Variants in GPATCH2 observed in about 807,000 individuals in gnomAD.
GPATCH2 encodes the protein G patch domain-containing protein 2.
A neutral mutation model predicts 58.0 loss-of-function variants in GPATCH2; 51 were observed. The ratio of observed to expected loss-of-function variants is 0.88; its 90% CI spans 0.70 to 1.11. The LOEUF (loss-of-function observed/expected upper bound fraction) is 1.11. Among genes scored for constraint, GPATCH2 ranks in the 50% most tolerant of loss-of-function variants. The pLI is 0.00. For synonymous variants in GPATCH2, 222 were observed against 218.5 expected (o/e 1.02, Z -0.14); for missense variants, 625 against 652.2 (o/e 0.96, Z 0.45).
At chr1:217,533,927 T>C (rs1664330313) in intron 5 of GPATCH2, among the ~76,000 whole-genome samples, 1 of 152,168 alleles carries the variant, frequency 6.6e-6, no homozygotes, top group Non-Finnish European at 1.5e-5. Context: ...ATTAAAAAGA[T>C]TCTTACAGCC....
chr1:217,595,103 G>A (rs56288625), intron 5 of GPATCH2, among the ~76,000 whole-genome samples: 33,767 of 152,146 alleles, frequency 0.22, 4,361 homozygotes, highest in East Asian at 0.49. Context: ...CAAAAGTTGA[G>A]CAAGCACAGT....
At chr1:217,514,752 A>G (rs1663038331) in intron 6 of GPATCH2, 70 bp downstream of exon 6, 1 of 701,096 alleles carries the variant, frequency 1.4e-6, no homozygotes, top group Non-Finnish European at 2.6e-6. Flanking sequence ...TACTAGTAGT[A>G]GCTAATAATT....
At chr1:217,485,266 T>G (rs13375192) in intron 8 of GPATCH2, among the ~76,000 whole-genome samples, 17,736 of 152,158 alleles carry the variant, frequency 0.12, 2,207 homozygotes, top group African/African-American at 0.32. Context: ...TAATAGATTG[T>G]ATGATGCCCA....
chr1:217,511,667 G>A (rs1446509392), intron 6 of GPATCH2, among the ~76,000 whole-genome samples: 1 of 152,130 alleles, frequency 6.6e-6, no homozygotes, highest in East Asian at 1.9e-4. Context: ...ACCTTCTTCT[G>A]TTAAAGGACC....
At chr1:217,567,058 T>TG (rs1362076553) in intron 5 of GPATCH2, among the ~76,000 whole-genome samples, 2 of 151,506 alleles carry the variant, frequency 1.3e-5, no homozygotes, top group East Asian at 3.9e-4. Flanking sequence ...TTTTTTTTTT[T>TG]TTTTTGAGAC....
chr1:217,433,673 G>C (rs1658665986), intron 9 of GPATCH2, among the ~76,000 whole-genome samples: 1 of 152,104 alleles, frequency 6.6e-6, no homozygotes, highest in South Asian at 2.1e-4. Context: ...TGGGATTACA[G>C]GCGTGAGCCA....
chr1:217,565,304 G>C (rs1357624131), intron 5 of GPATCH2, among the ~76,000 whole-genome samples: 1 of 151,850 alleles, frequency 6.6e-6, no homozygotes, highest in Non-Finnish European at 1.5e-5. Context: ...TGTACATTAA[G>C]AGAAAAAAAG....
intron 6 of GPATCH2, among the ~76,000 whole-genome samples, chr1:217,507,671 T>G (rs577371863): frequency 1.3e-5 from 2 of 152,320 alleles, no homozygotes; most frequent in South Asian, 4.1e-4. Context: ...ATATGTAAAC[T>G]TTTATTCCAT....
intron 5 of GPATCH2, among the ~76,000 whole-genome samples, chr1:217,560,405 TC>T (rs1219108516): frequency 6.6e-6 from 1 of 152,200 alleles, no homozygotes; most frequent in Admixed American, 6.5e-5. Context: ...TCTTTGCTCA[TC>T]AGTGTCTTGC....
At chr1:217,504,671 A>G (rs1368964446) in intron 6 of GPATCH2, among the ~76,000 whole-genome samples, 1 of 152,224 alleles carries the variant, frequency 6.6e-6, no homozygotes, top group Non-Finnish European at 1.5e-5. Context: ...GCTAGCAAGT[A>G]CTGGAATCAG....
Position 217,608,337 on chromosome 1 carries a change from A to G in GPATCH2, c.1098+1984T>C, listed in dbSNP as rs929834284. ...TTAAATACAAAAAACATAGACCAGA[A>G]AAACAGCTTATGGCCTAATGCACTA... On this transcript the variant is annotated intron_variant, in intron 5 of 9. Coordinates refer to ENST00000366935, the MANE Select transcript of GPATCH2 (RefSeq NM_018040.5). 4 of 984,910 alleles carry G rather than the reference A, an allele frequency of 4.1e-6. No homozygotes were observed. The East Asian group carries it at 3.4e-4, about 84-fold the overall frequency. 61.0% of individuals were successfully genotyped at this position (984,910 alleles called of 1,614,324 possible).
At chr1:217,445,178 T>A (rs149588568) in intron 9 of GPATCH2, among the ~76,000 whole-genome samples, 1 of 152,198 alleles carries the variant, frequency 6.6e-6, no homozygotes, top group East Asian at 1.9e-4. Context: ...ACTTAAAATG[T>A]ATAGAAAAAA....
chr1:217,477,799 C>T (rs1486976961), intron 8 of GPATCH2, among the ~76,000 whole-genome samples: 1 of 152,150 alleles, frequency 6.6e-6, no homozygotes, highest in African/African-American at 2.4e-5. Context: ...CAGATGGCAC[C>T]TCTGGACCTA....
At chr1:217,574,113 G>A (rs150138396) in intron 5 of GPATCH2, among the ~76,000 whole-genome samples, 137 of 152,276 alleles carry the variant, frequency 9.0e-4, no homozygotes, top group African/African-American at 3.0e-3. Flanking sequence ...ATTCTTAGAA[G>A]TACCTAACAG....
intron 9 of GPATCH2, among the ~76,000 whole-genome samples, chr1:217,447,443 A>G (rs1659441892): frequency 6.6e-6 from 1 of 152,172 alleles, no homozygotes; most frequent in Non-Finnish European, 1.5e-5. Context: ...GCGTTCAATA[A>G]TTCTGTCATC....
rs1193240024 is a variant in GPATCH2, at chr1:217,430,698, T to C, written c.*447A>G. On this transcript the variant is annotated 3_prime_UTR_variant, in exon 10 of 10. Coordinates refer to ENST00000366935, the MANE Select transcript of GPATCH2 (RefSeq NM_018040.5). Reference sequence around the variant, plus strand: ...AAACAAAGATGTGTTCGGACTTCACTGATGCGATGGTAGGTCTTTTGGGTT... The same window carrying C: ...AAACAAAGATGTGTTCGGACTTCACCGATGCGATGGTAGGTCTTTTGGGTT... The C allele has an allele frequency of 6.0e-6, 1 of 166,238 alleles. No individual in the cohort carries two copies. The highest frequency in any genetic ancestry group is 1.3e-5 in the Non-Finnish European group (1 of 77,126). The allele number at this position is 166,238 out of a possible 1,614,324, so 10.3% of individuals were successfully genotyped here. A position where few individuals can be genotyped will look rare whatever the true frequency, so the allele number is the denominator to read the frequency against.
chr1:217,448,370 T>C (rs925809813), intron 9 of GPATCH2, among the ~76,000 whole-genome samples: 1 of 151,960 alleles, frequency 6.6e-6, no homozygotes, highest in Non-Finnish European at 1.5e-5. Context: ...TTATTCTTTG[T>C]ATCTACACTG....
intron 5 of GPATCH2, among the ~76,000 whole-genome samples, chr1:217,519,940 A>C (rs909674830): frequency 2.6e-5 from 4 of 152,202 alleles, no homozygotes; most frequent in Admixed American, 1.3e-4. Flanking sequence ...TGATAAAGTC[A>C]AGTTATAGAA....
chr1:217,608,522 C>T (rs2102810057), intron 5 of GPATCH2: 1 of 984,654 alleles, frequency 1.0e-6, no homozygotes, highest in South Asian at 4.7e-5. Context: ...TATAAAATAC[C>T]ACAGTGAGAT....
Sources: gnomAD v4.1 joint callset for allele counts (sites outside exome capture counted in the v4.1 genomes callset) on GRCh38, gnomAD v4.1.1 for gene constraint, MANE v1.5 for transcripts, NCBI Gene and HGNC (gene_info 2026-07-23, HGNC 2026-07-21) for gene names.